Variants in COP1 observed in about 807,000 individuals in gnomAD.
COP1 encodes COP1 E3 ubiquitin ligase.
A neutral mutation model predicts 101.3 loss-of-function variants in COP1; 24 were observed. That is an observed-to-expected ratio of 0.24 (90% CI 0.17 to 0.33). COP1 has a LOEUF of 0.33. Among genes scored for constraint, COP1 ranks in the 10% least tolerant of loss-of-function variants. COP1 has a pLI of 1.00. For synonymous variants in COP1, 347 were observed against 341.9 expected, an observed-to-expected ratio of 1.01 and a Z score of -0.17; for missense variants, 663 against 906.2, an observed-to-expected ratio of 0.73 and a Z score of 3.45.
intron 11 of COP1, among the ~76,000 whole-genome samples, chr1:176,076,567 A>G (rs552113821): frequency 6.6e-5 from 10 of 152,164 alleles, no homozygotes; most frequent in Non-Finnish European, 1.3e-4. Context: ...TAGAGGAACT[A>G]GAAGAAAAAG....
chr1:176,057,163 CTTA>C (rs903627420), intron 11 of COP1, among the ~76,000 whole-genome samples: 1 of 152,190 alleles, frequency 6.6e-6, no homozygotes, highest in Non-Finnish European at 1.5e-5. Context: ...GTGTAAGAAT[CTTA>C]TTATCCATTA....
rs146881912 is a variant in COP1 at position 176,081,976 on chromosome 1, A to T, written c.1142-689T>A. ...TCCATCCAGTGGTACAGTATACAAA[A>T]ACCTTGGGTAAAGTCCACTTCAGTA... On this transcript the variant is annotated intron_variant, in intron 10 of 19. Coordinates refer to ENST00000367669, the MANE Select transcript of COP1 (RefSeq NM_022457.7). Among the ~76,000 whole-genome samples the T allele has an allele frequency of 2.6e-3, 399 of 152,338 alleles. 3 individuals are homozygous for T. Among genetic ancestry groups the T allele is most frequent in the African/African-American group, 9.2e-3 (382 of 41,580 alleles).
intron 9 of COP1, among the ~76,000 whole-genome samples, chr1:176,097,197 T>C (rs965345127): frequency 6.6e-6 from 1 of 152,164 alleles, no homozygotes; most frequent in African/African-American, 2.4e-5. Context: ...AAGGTCTTTA[T>C]GTTTTTCTCT....
chr1:175,980,705 G>C (rs143802717), intron 18 of COP1, among the ~76,000 whole-genome samples: 133 of 152,054 alleles, frequency 8.7e-4, no homozygotes, highest in Non-Finnish European at 1.8e-3. Context: ...CCTGAGGATA[G>C]AGTGTACTTT....
At chr1:176,165,565 C>T (rs372490136) in intron 3 of COP1, among the ~76,000 whole-genome samples, 8 of 152,042 alleles carry the variant, frequency 5.3e-5, no homozygotes, top group East Asian at 3.9e-4. Flanking sequence ...CATGGTGGCA[C>T]GTGCCTGTAG....
chr1:175,955,766 C>CCACACACACACACACACGAACA (rs1650553530), intron 18 of COP1, among the ~76,000 whole-genome samples: 1 of 129,192 alleles, frequency 7.7e-6, no homozygotes, highest in African/African-American at 2.8e-5. Context: ...TAGAGACAAA[C>CCACACACACACACACACGAACA]CACACACACA....
intron 6 of COP1, among the ~76,000 whole-genome samples, chr1:176,147,278 A>AT (rs1691714997): frequency 1.3e-5 from 2 of 152,132 alleles, no homozygotes; most frequent in Non-Finnish European, 2.9e-5. Context: ...ACTAAAACAT[A>AT]TTTTCTAGAC....
intron 15 of COP1, among the ~76,000 whole-genome samples, chr1:176,022,220 T>C (rs901262172): frequency 3.9e-5 from 6 of 152,212 alleles, no homozygotes; most frequent in Non-Finnish European, 8.8e-5. Flanking sequence ...AACAAACTTA[T>C]TGTAACAAGC....
chr1:176,056,211 G>T (rs1457504396), intron 11 of COP1, among the ~76,000 whole-genome samples: 4 of 152,084 alleles, frequency 2.6e-5, no homozygotes, highest in African/African-American at 7.2e-5. Context: ...ATATGATCTA[G>T]ATTCTTTACA....
intron 18 of COP1, among the ~76,000 whole-genome samples, chr1:175,948,299 G>A (rs995621049): frequency 1.3e-5 from 2 of 152,182 alleles, no homozygotes; most frequent in Non-Finnish European, 2.9e-5. Context: ...TCTGGAACTT[G>A]GATGTGTTGG....
chr1:176,000,827 T>C (rs1661428154), intron 15 of COP1, among the ~76,000 whole-genome samples: 1 of 152,038 alleles, frequency 6.6e-6, no homozygotes, highest in Admixed American at 6.6e-5. Context: ...AGTTTGAGTA[T>C]ATTTTAAAAG....
chr1:176,025,582 T>C (rs1270137728), intron 15 of COP1, among the ~76,000 whole-genome samples: 2 of 151,732 alleles, frequency 1.3e-5, no homozygotes, highest in African/African-American at 2.4e-5. Context: ...AAGTATATTA[T>C]GAAATCTCAT....
intron 11 of COP1, among the ~76,000 whole-genome samples, chr1:176,052,776 C>T (rs1436286672): frequency 3.3e-5 from 5 of 152,100 alleles, no homozygotes; most frequent in Non-Finnish European, 2.9e-5. Flanking sequence ...CACGCATACA[C>T]GTATTTGGTT....
intron 1 of COP1, among the ~76,000 whole-genome samples, chr1:176,198,259 A>C (rs1699909330): frequency 6.6e-6 from 1 of 152,204 alleles, no homozygotes; most frequent in Non-Finnish European, 1.5e-5. Context: ...CCATAATCAA[A>C]ACAGTGTGGC....
At chr1:175,999,540 T>C (rs776229798) in intron 15 of COP1, among the ~76,000 whole-genome samples, 14 of 152,138 alleles carry the variant, frequency 9.2e-5, no homozygotes, top group African/African-American at 1.4e-4. Context: ...CTTCCAAATC[T>C]TGGCTACTGC....
At chr1:176,079,678 A>G (rs953498254) in intron 11 of COP1, among the ~76,000 whole-genome samples, 2 of 150,628 alleles carry the variant, frequency 1.3e-5, no homozygotes, top group Middle Eastern at 3.2e-3. Context: ...ATAAAAAAAT[A>G]AAAGTGGTCA....
chr1:176,002,153 C>G lies in COP1; in HGVS notation c.1730-12674G>C, dbSNP rs549005447. Among the ~76,000 whole-genome samples, 1,177 of 151,996 alleles carry G rather than the reference C, an allele frequency of 7.7e-3. 13 individuals carry two copies. Among genetic ancestry groups the G allele is most frequent in the African/African-American group, 0.027 (1,122 of 41,470 alleles). On this transcript the variant is annotated intron_variant, in intron 15 of 19. Transcript: ENST00000367669. The stretch of plus-strand genomic sequence containing the variant: ...CCATCCAATTTGCAAAAATACTGGC[C>G]ATCATTTCTACAAATATTTTCTACC...
At chr1:176,153,075 T>C (rs1008854160) in intron 5 of COP1, among the ~76,000 whole-genome samples, 1 of 152,126 alleles carries the variant, frequency 6.6e-6, no homozygotes, top group Non-Finnish European at 1.5e-5. Context: ...GATTCCCTAA[T>C]TCTCCACCAT....
chr1:176,136,580 A>T (rs1689830945), intron 6 of COP1, 33 bp from the exon 7 acceptor site: 3 of 1,503,552 alleles, frequency 2.0e-6, no homozygotes, highest in Non-Finnish European at 2.7e-6. Context: ...AAGACAAAAA[A>T]AAAAAAGCCT....
Sources: gnomAD v4.1 joint callset for allele counts (sites outside exome capture counted in the v4.1 genomes callset) on GRCh38, gnomAD v4.1.1 for gene constraint, MANE v1.5 for transcripts, NCBI Gene and HGNC (gene_info 2026-07-23, HGNC 2026-07-21) for gene names.